Variants in ZFHX3 observed in about 807,000 individuals in gnomAD.
ZFHX3 encodes the protein zinc finger homeobox 3, also known as zinc finger homeobox protein 3.
ZFHX3 carries 42 observed loss-of-function variants against 279.1 expected under a neutral mutation model. The observed-to-expected ratio is 0.15, with a 90% CI of 0.12 to 0.19. The LOEUF is 0.19. ZFHX3 is among the 10% of genes least tolerant of loss of function. The probability of loss-of-function intolerance (pLI) is 1.00; values close to 1 mark genes in which losing one functional copy is unlikely to be tolerated. For synonymous variants in ZFHX3, 2,293 were observed against 1,957.8 expected, an observed-to-expected ratio of 1.17 and a Z score of -4.52; for missense variants, 4,981 against 4,754.0, an observed-to-expected ratio of 1.05 and a Z score of -1.40.
chr16:73,043,679 C>G (rs919516853), intron 1 of ZFHX3, among the ~76,000 whole-genome samples: 1 of 152,236 alleles, frequency 6.6e-6, no homozygotes, highest in African/African-American at 2.4e-5. Flanking sequence ...CCAGTCGTTT[C>G]CCTACTTCTG....
At chr16:73,647,024 C>CTTTTTTTTT in intron 2 of ZFHX3, among the ~76,000 whole-genome samples, 1 of 133,968 alleles carries the variant, frequency 7.5e-6, no homozygotes, top group Non-Finnish European at 1.6e-5. Flanking sequence ...TTTTTTTTTT[C>CTTTTTTTTT]TTTTTTTTTT....
chr16:73,180,148 T>C (rs1686748099), intron 5 of ZFHX3, among the ~76,000 whole-genome samples: 1 of 152,164 alleles, frequency 6.6e-6, no homozygotes, highest in Admixed American at 6.5e-5. Context: ...CATCCAGGCT[T>C]TGGCCAGTCG....
rs1437204921 is a variant in ZFHX3, at chr16:73,631,927, T to TCTCTCA, written c.-1547+48252_-1547+48253insTGAGAG. On this transcript the variant is annotated intron_variant, in intron 2 of 17. Transcript: ENST00000641206. The stretch of plus-strand genomic sequence containing the variant: ...CTCTCTCTCTCTCTCTCTCTCTCTC[T>TCTCTCA]CACACACACACACACACACACACAC... 8.6e-3 allele frequency among the ~76,000 whole-genome samples: 1,176 copies of TCTCTCA among 136,772 alleles called. 7 individuals carry two copies. Among genetic ancestry groups the TCTCTCA allele is most frequent in the African/African-American group, 0.032 (1,088 of 34,398 alleles). 89.7% of individuals were successfully genotyped at this position (136,772 alleles called of 152,430 possible).
chr16:73,263,520 C>A (rs1490747387), intron 4 of ZFHX3, among the ~76,000 whole-genome samples: 1 of 152,152 alleles, frequency 6.6e-6, no homozygotes, highest in Non-Finnish European at 1.5e-5. Context: ...AATTCTCCAC[C>A]TAGATTGACT....
At chr16:72,946,062 T>C (rs931371441) in intron 3 of ZFHX3, among the ~76,000 whole-genome samples, 1 of 152,232 alleles carries the variant, frequency 6.6e-6, no homozygotes, top group Admixed American at 6.5e-5. Flanking sequence ...GAGTTTCTTA[T>C]GCATCAGGGA....
At chr16:73,337,534 C>A (rs1354219803) in intron 3 of ZFHX3, among the ~76,000 whole-genome samples, 1 of 152,108 alleles carries the variant, frequency 6.6e-6, no homozygotes, top group African/African-American at 2.4e-5. Flanking sequence ...TCCTCCTCAT[C>A]GCAGCCATTG....
chr16:72,802,502 C>T (rs1049773017), intron 7 of ZFHX3, among the ~76,000 whole-genome samples: 3 of 152,270 alleles, frequency 2.0e-5, no homozygotes, highest in East Asian at 1.9e-4. Flanking sequence ...GTTTAAGTAA[C>T]TACTTTTATC....
intron 1 of ZFHX3, among the ~76,000 whole-genome samples, chr16:72,977,075 C>T (rs752978663): frequency 6.6e-6 from 1 of 152,212 alleles, no homozygotes; most frequent in Non-Finnish European, 1.5e-5. Context: ...CCGGCCTACA[C>T]ATAAGCATTT....
chr16:73,058,339 A>AGGGCGCGGGCGCGGG (rs1555546225), intron 1 of ZFHX3, among the ~76,000 whole-genome samples: 4 of 145,110 alleles, frequency 2.8e-5, no homozygotes, highest in Non-Finnish European at 6.1e-5. Context: ...GCGAGCGAGC[A>AGGGCGCGGGCGCGGG]GGGCGCGGGC....
At chr16:73,022,433 C>T (rs1488791017) in intron 1 of ZFHX3, among the ~76,000 whole-genome samples, 1 of 152,084 alleles carries the variant, frequency 6.6e-6, no homozygotes, top group Non-Finnish European at 1.5e-5. Context: ...AGTTTGAGGG[C>T]AGCACCACTG....
At chr16:73,601,468 T>TGA (rs757036851) in intron 2 of ZFHX3, among the ~76,000 whole-genome samples, 1 of 57,410 alleles carries the variant, frequency 1.7e-5, no homozygotes, top group African/African-American at 3.2e-5. Flanking sequence ...AGACTCCATC[T>TGA]CAAAAAAAAA....
chr16:73,357,734 G>A (rs1267488590), intron 3 of ZFHX3, among the ~76,000 whole-genome samples: 1 of 152,176 alleles, frequency 6.6e-6, no homozygotes, highest in South Asian at 2.1e-4. Context: ...ACCGTGGCCT[G>A]TGTCGGGAGG....
chr16:73,244,503 A>C (rs926850696), intron 5 of ZFHX3, among the ~76,000 whole-genome samples: 7 of 152,214 alleles, frequency 4.6e-5, no homozygotes, highest in Admixed American at 2.0e-4. Context: ...TGATTATGGC[A>C]TAACAGTCAA....
At chr16:73,874,427 C>T (rs1015552171) in intron 1 of ZFHX3, among the ~76,000 whole-genome samples, 3 of 152,150 alleles carry the variant, frequency 2.0e-5, no homozygotes, top group African/African-American at 7.2e-5. Context: ...CCCAAGTCTG[C>T]CTGTCAGCAC....
In ZFHX3 at chr16:72,957,813, G is replaced by C. The variant is rs971431468; in HGVS notation, c.2333C>G (p.Ala778Gly). The change falls in exon 2 of 10, where the codon GCT (alanine) becomes GGT (glycine). Residue 778 changes from alanine to glycine, a missense_variant. Around this residue, in one of 7 missense-constraint regions of ZFHX3, gnomAD observed 1,751 missense variants for 1,770.0 expected, o/e 0.99. Coordinates refer to ENST00000268489, the MANE Select transcript of ZFHX3 (RefSeq NM_006885.4). ...GATATTGGCTGCCGCCGCCGCCGCA[G>C]CCACCGCCGCCGCCGCCGCCCCGGC... is the stretch of plus-strand genomic sequence containing the variant. ...HTAGAAAAAV[A>G]AAAAAANISS... The C allele has an allele frequency of 3.3e-6, 5 of 1,527,732 alleles. No individual in the cohort carries two copies. In the Admixed American group the frequency reaches 8.8e-5, roughly 27 times the overall value. 94.6% of individuals were successfully genotyped at this position (1,527,732 alleles called of 1,614,324 possible). A position where few individuals can be genotyped will look rare whatever the true frequency, so the allele number is the denominator to read the frequency against.
chr16:73,824,112 A>G (rs1372306950), intron 1 of ZFHX3, among the ~76,000 whole-genome samples: 4 of 152,150 alleles, frequency 2.6e-5, no homozygotes. Context: ...CACTAAATAA[A>G]CAAAGTTGAA....
At chr16:73,324,798 G>T (rs11150263) in intron 3 of ZFHX3, among the ~76,000 whole-genome samples, 60,904 of 151,960 alleles carry the variant, frequency 0.4, 13,963 homozygotes, top group Non-Finnish European at 0.53. Flanking sequence ...GGACTGGAAG[G>T]GTCAAGTTAG....
intron 3 of ZFHX3, among the ~76,000 whole-genome samples, chr16:73,445,654 T>G (rs1196171411): frequency 1.3e-5 from 2 of 152,150 alleles, no homozygotes; most frequent in African/African-American, 4.8e-5. Flanking sequence ...TTCCTCTGGA[T>G]TTGATCACTT....
At chr16:73,761,064 T>C (rs1041086948) in intron 1 of ZFHX3, among the ~76,000 whole-genome samples, 2 of 151,824 alleles carry the variant, frequency 1.3e-5, no homozygotes, top group African/African-American at 4.8e-5. Flanking sequence ...GCAGATGACA[T>C]GATTCTTTAT....
Sources: gnomAD v4.1 joint callset for allele counts (sites outside exome capture counted in the v4.1 genomes callset) on GRCh38, gnomAD v4.1.1 for gene constraint, gnomAD v4.1.1 regional missense constraint, MANE v1.5 for transcripts, NCBI Gene and HGNC (gene_info 2026-07-23, HGNC 2026-07-21) for gene names.